BTN2A2: variants seen among roughly 807,000 people sequenced by gnomAD.
BTN2A2 encodes butyrophilin subfamily 2 member A2.
In BTN2A2, 29 loss-of-function variants were observed where a neutral mutation model predicts 34.7. The ratio of observed to expected loss-of-function variants is 0.84; its 90% CI spans 0.62 to 1.14. BTN2A2 has a LOEUF of 1.14. Among genes scored for constraint, BTN2A2 ranks in the 50% most tolerant of loss-of-function variants. The pLI is 0.00. For synonymous variants in BTN2A2, 240 were observed against 253.1 expected, an observed-to-expected ratio of 0.95 and a Z score of 0.49; for missense variants, 612 against 651.5, an observed-to-expected ratio of 0.94 and a Z score of 0.66.
In BTN2A2 at chr6:26,384,579, T is replaced by G. The variant is rs145927710; in HGVS notation, c.95-436T>G. Among the ~76,000 whole-genome samples the G allele has an allele frequency of 2.6e-5, 4 of 152,358 alleles. No homozygotes were observed. The highest frequency in any genetic ancestry group is 2.6e-4 in the Admixed American group (4 of 15,310). ...ACTATTACCAATGAGATATTTGACA[T>G]TTTGAAATTTTAAATCTTTATAATC... On this transcript the variant is annotated intron_variant, in intron 2 of 7. Transcript: ENST00000356709. This position sits in a 1 kb window ranked among gnomAD's most constrained non-coding sequence, Gnocchi z 4.0.
rs113020118 is a variant in BTN2A2, at chr6:26,384,863, T to A, written c.95-152T>A. 1.4e-3 allele frequency: 1,149 copies of A among 814,076 alleles called. 7 individuals are homozygous for A. In the African/African-American group the frequency reaches 0.016, roughly 11 times the overall value. 50.4% of individuals were successfully genotyped at this position (814,076 alleles called of 1,614,324 possible). On this transcript the variant is annotated intron_variant, in intron 2 of 7. Coordinates refer to ENST00000356709, the MANE Select transcript of BTN2A2 (RefSeq NM_006995.5). This position sits in a 1 kb window ranked among gnomAD's most constrained non-coding sequence, Gnocchi z 4.0. ...CCACAGCTACTGGTCCCCAGAAGGG[T>A]TCTCAGCCCAAGAACCCCTGTAGCC...
chr6:26,390,285 A>C, intron 5 of BTN2A2, 74 bp downstream of exon 5: 1 of 1,447,100 alleles, frequency 6.9e-7, no homozygotes. Flanking sequence ...GTAGGAGGAC[A>C]ATTGACTGTC....
rs764183282 is a variant in BTN2A2 at position 26,385,170 on chromosome 6, G to A, written c.250G>A (p.Gly84Ser). 2.4e-5 allele frequency: 39 copies of A among 1,614,016 alleles called. No individual in the cohort carries two copies. Among genetic ancestry groups the A allele is most frequent in the Non-Finnish European group, 1.3e-5 (15 of 1,180,034 alleles). The change falls in exon 3 of 8, where the codon GGT becomes AGT. Residue 84 changes from glycine to serine, a missense_variant. By Grantham distance (56) the Gly-to-Ser change is moderately conservative. Coordinates refer to ENST00000356709, the MANE Select transcript of BTN2A2 (RefSeq NM_006995.5). ...QFSPAVFVYK[G>S]GRERTEEQME... is the part of the protein sequence containing the mutation. Reference sequence around the variant, plus strand: ...CTCCCCCGCAGTGTTTGTGTATAAGGGTGGGAGAGAGAGAACAGAGGAGCA... The same window carrying A: ...CTCCCCCGCAGTGTTTGTGTATAAGAGTGGGAGAGAGAGAACAGAGGAGCA...
rs1282469037 is a variant in BTN2A2, at chr6:26,392,884, C to T, written c.1489C>T (p.Pro497Ser). The change falls in exon 8 of 8, where the codon CCT (proline) becomes TCT (serine). Residue 497 changes from proline to serine, a missense_variant. Pro to Ser is a moderately conservative substitution (Grantham distance 74, BLOSUM62 -1). Transcript: ENST00000356709. ...GSDDSPIFIC[P>S]ALTGASGVMV... Reference sequence around the variant, plus strand: ...TGATGACAGCCCCATCTTCATCTGCCCTGCACTCACAGGAGCCAGTGGGGT... The same window carrying T: ...TGATGACAGCCCCATCTTCATCTGCTCTGCACTCACAGGAGCCAGTGGGGT... 2 of 1,614,074 alleles carry T rather than the reference C, an allele frequency of 1.2e-6. No individual in the cohort carries two copies. The highest frequency in any genetic ancestry group is 3.3e-5 in the Admixed American group (2 of 60,004).
rs757716237 is a variant in BTN2A2, at chr6:26,385,180, A to C, written c.260A>C (p.Glu87Ala). Residue 87 changes from glutamate to alanine, a missense_variant, in exon 3 of 8, where the codon GAG (glutamate) becomes GCG (alanine). Glu to Ala is a moderately radical substitution (Grantham distance 107). Transcript: ENST00000356709. Reference sequence around the variant, plus strand: ...GTGTTTGTGTATAAGGGTGGGAGAGAGAGAACAGAGGAGCAGATGGAGGAG... The same window carrying C: ...GTGTTTGTGTATAAGGGTGGGAGAGCGAGAACAGAGGAGCAGATGGAGGAG... ...PAVFVYKGGRERTEEQMEEYR... is the reference protein window; with the variant it reads ...PAVFVYKGGRARTEEQMEEYR... 6.2e-7 allele frequency: 1 copy of C among 1,613,946 alleles called. No homozygotes were observed. The highest frequency in any genetic ancestry group is 2.2e-5 in the East Asian group (1 of 44,876).
Position 26,385,209 on chromosome 6 carries a change from C to G in BTN2A2, c.289C>G (p.Arg97Gly). ...ERTEEQMEEY[R>G]GRITFVSKDI... ...AACAGAGGAGCAGATGGAGGAGTAC[C>G]GGGGAAGAATCACCTTTGTGAGCAA... Residue 97 changes from arginine (R) to glycine (G), a missense_variant, in exon 3 of 8, where the codon CGG becomes GGG. Coordinates refer to ENST00000356709, the MANE Select transcript of BTN2A2 (RefSeq NM_006995.5). 6.2e-7 allele frequency: 1 copy of G among 1,614,020 alleles called. No homozygotes were observed.
At chr6:26,389,832 A>G (rs1351019466) in intron 4 of BTN2A2, among the ~76,000 whole-genome samples, 173 bp from the exon 5 acceptor site, 5 of 152,200 alleles carry the variant, frequency 3.3e-5, no homozygotes, top group African/African-American at 1.2e-4. Context: ...CGGCCCTGGC[A>G]GTCACTGAGG....
In BTN2A2 at chr6:26,383,874, TC is replaced by T. The variant is rs1214983386; in HGVS notation, c.55del (p.Leu19CysfsTer85). 3 of 1,614,094 alleles carry T rather than the reference TC, an allele frequency of 1.9e-6. No homozygotes were observed. The highest frequency in any genetic ancestry group is 1.7e-6 in the Non-Finnish European group (2 of 1,180,010). On this transcript the variant is annotated frameshift_variant, in exon 2 of 8. Transcript: ENST00000356709. LOFTEE classifies it high-confidence loss of function. The surrounding 1 kb of genome is among the most constrained non-coding windows in gnomAD (Gnocchi z 4.4). ...TCCCTGCCAGCCTCCCTCCTCCTCC[TC>T]CTGCTCCTCCTCCTTCTCAGCCTGT... Reference protein sequence around the residue: ...HFSLPASLLLLLLLLLLSLCA... With the variant: ...HFSLPASLLLXLLLLLLSLCA...
At chr6:26,387,567 CAAAA>C (rs74270301) in intron 3 of BTN2A2, among the ~76,000 whole-genome samples, 3 of 47,166 alleles carry the variant, frequency 6.4e-5, no homozygotes, top group Admixed American at 4.6e-4. Flanking sequence ...CCCATCTCTA[CAAAA>C]AAAAAAAAAA....
chr6:26,390,183 A>T lies in BTN2A2; in HGVS notation c.903A>T (p.Lys301Asn). 1 of 1,614,180 alleles carries T rather than the reference A, an allele frequency of 6.2e-7. No homozygotes were observed. Among genetic ancestry groups the T allele is most frequent in the Non-Finnish European group, 8.5e-7 (1 of 1,180,018 alleles). ...AAAAGATTCTGTCAGGGGAAAAGAA[A>T]GTTGAACAAGAGGAAAAAGAAATTG... Reference protein sequence around the residue: ...REKKILSGEKKVEQEEKEIAQ... With the variant: ...REKKILSGEKNVEQEEKEIAQ... Residue 301 changes from lysine to asparagine, a missense_variant, in exon 5 of 8, where the codon AAA (lysine) becomes AAT (asparagine). Lys to Asn is a moderately conservative substitution (Grantham distance 94). Coordinates refer to ENST00000356709, the MANE Select transcript of BTN2A2 (RefSeq NM_006995.5).
Position 26,383,752 on chromosome 6 carries a change from C to G in BTN2A2, c.-30-40C>G. ...GTTGGGCCCGACCAGCACTGAGGTG[C>G]CAAGACTCCTAGGCTGATTCTCCTC... On this transcript the variant is annotated intron_variant, in intron 1 of 7. Coordinates refer to ENST00000356709, the MANE Select transcript of BTN2A2 (RefSeq NM_006995.5). This position sits in a 1 kb window ranked among gnomAD's most constrained non-coding sequence, Gnocchi z 4.4. 1.3e-6 allele frequency: 2 copies of G among 1,527,280 alleles called. No homozygotes were observed. The highest frequency in any genetic ancestry group is 1.8e-6 in the Non-Finnish European group (2 of 1,101,856). 94.6% of individuals were successfully genotyped at this position (1,527,280 alleles called of 1,614,324 possible).
intron 3 of BTN2A2, chr6:26,385,600 G>C: frequency 4.4e-6 from 2 of 456,594 alleles, no homozygotes; most frequent in Non-Finnish European, 7.9e-6. Context: ...GCCCAGGCTG[G>C]AGTGCAGTGG....
In BTN2A2 at chr6:26,388,288, A is replaced by G. The variant is rs1371786409; in HGVS notation, c.718A>G (p.Ile240Val). 6.2e-7 allele frequency: 1 copy of G among 1,614,096 alleles called. No individual in the cohort carries two copies. Among genetic ancestry groups the G allele is most frequent in the Non-Finnish European group, 8.5e-7 (1 of 1,179,968 alleles). Reference protein sequence around the residue: ...LGQEKETVIFIPESFMPSASP... With the variant: ...LGQEKETVIFVPESFMPSASP... ...CCAGGAGAAGGAAACTGTCATTTTTATTCCAGGTTAGTTCTCTGCCCTCTG... is the reference window on the plus strand; with the variant it reads ...CCAGGAGAAGGAAACTGTCATTTTTGTTCCAGGTTAGTTCTCTGCCCTCTG... The change falls in exon 4 of 8, where the codon ATT (isoleucine) becomes GTT (valine). Residue 240 changes from isoleucine to valine, a missense_variant. Physicochemically the swap from Ile to Val is conservative, Grantham distance 29 (BLOSUM62 3). Coordinates refer to ENST00000356709, the MANE Select transcript of BTN2A2 (RefSeq NM_006995.5).
intron 3 of BTN2A2, 190 bp downstream of exon 3, chr6:26,385,552 C>T (rs1581591378): frequency 1.0e-4 from 43 of 428,064 alleles, no homozygotes; most frequent in South Asian, 2.2e-4. Flanking sequence ...GGTTTCACTT[C>T]TTTTTTTTTT....
In BTN2A2 at chr6:26,385,012, C is replaced by T. The variant is rs888443810; in HGVS notation, c.95-3C>T. 6.2e-7 allele frequency: 1 copy of T among 1,610,564 alleles called. No individual in the cohort carries two copies. Among genetic ancestry groups the T allele is most frequent in the South Asian group, 1.1e-5 (1 of 90,996 alleles). ...CTTGTCTGATTCTGCCCTTGTTGAACAGCCCAGTTTACTGTCGTGGGGCCA... is the reference window on the plus strand; with the variant it reads ...CTTGTCTGATTCTGCCCTTGTTGAATAGCCCAGTTTACTGTCGTGGGGCCA... On this transcript the variant is annotated splice_polypyrimidine_tract_variant and splice_region_variant and intron_variant, in intron 2 of 7. Transcript: ENST00000356709.
Position 26,383,724 on chromosome 6 carries a change from G to A in BTN2A2, c.-30-68G>A, listed in dbSNP as rs1761004137. 2.4e-6 allele frequency: 3 copies of A among 1,227,016 alleles called. No individual in the cohort carries two copies. The highest frequency in any genetic ancestry group is 2.4e-6 in the Non-Finnish European group (2 of 837,510). The allele number at this position is 1,227,016 out of a possible 1,614,324, so 76.0% of individuals were successfully genotyped here. A position where few individuals can be genotyped will look rare whatever the true frequency, so the allele number is the denominator to read the frequency against. Reference sequence around the variant, plus strand: ...GATGAGACCTACTTGAGTGACAGGAGAGGTTGGGCCCGACCAGCACTGAGG... The same window carrying A: ...GATGAGACCTACTTGAGTGACAGGAAAGGTTGGGCCCGACCAGCACTGAGG... On this transcript the variant is annotated intron_variant, in intron 1 of 7. Transcript: ENST00000356709. This position sits in a 1 kb window ranked among gnomAD's most constrained non-coding sequence, Gnocchi z 4.4.
At position 26,392,976 on chromosome 6, in the gene BTN2A2, C is replaced by A. The variant is rs377572514; in HGVS notation, c.*9C>A. 72 of 1,614,042 alleles carry A rather than the reference C, an allele frequency of 4.5e-5. 1 individual carries two copies. In the African/African-American group the frequency reaches 8.9e-4, roughly 20 times the overall value. On this transcript the variant is annotated 3_prime_UTR_variant, in exon 8 of 8. Transcript: ENST00000356709. The stretch of plus-strand genomic sequence containing the variant: ...CCCACCAGAGCCTATAGAATCAATT[C>A]CTTGGACTCACAGCCATGCAGATAA...
rs558372484 is a variant in BTN2A2, at chr6:26,392,992, A to T, written c.*25A>T. On this transcript the variant is annotated 3_prime_UTR_variant, in exon 8 of 8. Coordinates refer to ENST00000356709, the MANE Select transcript of BTN2A2 (RefSeq NM_006995.5). ...GAATCAATTCCTTGGACTCACAGCC[A>T]TGCAGATAAGCCCTGGCCATCTCAG... is the stretch of plus-strand genomic sequence containing the variant. The T allele has an allele frequency of 6.2e-6, 10 of 1,613,892 alleles. No homozygotes were observed. Among genetic ancestry groups the T allele is most frequent in the Non-Finnish European group, 8.5e-6 (10 of 1,179,954 alleles).
intron 4 of BTN2A2, among the ~76,000 whole-genome samples, 200 bp downstream of exon 4, chr6:26,388,494 C>T (rs1280231893): frequency 6.6e-6 from 1 of 152,188 alleles, no homozygotes; most frequent in Non-Finnish European, 1.5e-5. Context: ...GAGTAGGAGC[C>T]TCTTCTCTGA....
Sources: gnomAD v4.1 joint callset for allele counts (sites outside exome capture counted in the v4.1 genomes callset) on GRCh38, gnomAD v4.1.1 for gene constraint, Gnocchi (gnomAD v3.1) non-coding constraint, MANE v1.5 for transcripts, NCBI Gene and HGNC (gene_info 2026-07-23, HGNC 2026-07-21) for gene names.